EYS: variants seen among roughly 807,000 people sequenced by gnomAD.
EYS encodes protein eyes shut homolog.
In EYS, 250 loss-of-function variants were observed where a neutral mutation model predicts 282.1. That is an observed-to-expected ratio of 0.89 (90% confidence interval 0.80 to 0.98). The LOEUF is 0.98. Ranked by LOEUF, EYS falls within the 50% of genes least tolerant of loss-of-function variation. EYS has a pLI of 0.00. For synonymous variants in EYS, 1,355 were observed against 1,282.9 expected (o/e 1.06, Z -1.20); for missense variants, 4,016 against 3,709.0 (o/e 1.08, Z -2.15).
rs1768056122 is a variant in EYS at position 64,639,371 on chromosome 6, C to CTT, written c.3444-13128_3444-13127dup. Among the ~76,000 whole-genome samples the CTT allele has an allele frequency of 2.2e-5, 2 of 91,178 alleles. 1 individual carries two copies. The highest frequency in any genetic ancestry group is 4.7e-5 in the Non-Finnish European group (2 of 42,388). 59.8% of individuals were successfully genotyped at this position (91,178 alleles called of 152,430 possible). ...GAGTATTATATGTAAATATACATCT[C>CTT]TTTTTTCATCAATTTGTGGCTTTTA... is the stretch of plus-strand genomic sequence containing the variant. On this transcript the variant is annotated intron_variant, in intron 22 of 42. Coordinates refer to ENST00000503581, the MANE Select transcript of EYS (RefSeq NM_001142800.2).
chr6:65,673,101 G>A (rs540333701), intron 1 of EYS, among the ~76,000 whole-genome samples: 5 of 152,258 alleles, frequency 3.3e-5, no homozygotes, highest in East Asian at 3.9e-4. Context: ...GGATGTATAC[G>A]TGCAGGTCAC....
At position 65,490,881 on chromosome 6, in the gene EYS, T is replaced by C. The variant is rs140986041; in HGVS notation, c.749-174A>G. Among the ~76,000 whole-genome samples the C allele has an allele frequency of 7.3e-4, 111 of 152,262 alleles. 1 individual carries two copies. In the East Asian group the frequency reaches 0.018, roughly 25 times the overall value. On this transcript the variant is annotated intron_variant, in intron 4 of 42. Transcript: ENST00000503581. ...GAAATAAAAATTAATTTTGATACTT[T>C]ACATAAGTTTTTCATCTTCTGACCC...
At chr6:63,908,951 TG>T (rs1464475977) in intron 35 of EYS, among the ~76,000 whole-genome samples, 2 of 151,438 alleles carry the variant, frequency 1.3e-5, no homozygotes, top group African/African-American at 4.9e-5. Flanking sequence ...AGGGGAATGG[TG>T]GGATCATTGA....
At chr6:65,294,235 T>A (rs2150285141) in intron 12 of EYS, among the ~76,000 whole-genome samples, 1 of 150,512 alleles carries the variant, frequency 6.6e-6, no homozygotes, top group East Asian at 1.9e-4. Context: ...GGATTAACTC[T>A]GCATCCCTGG....
chr6:64,078,145 C>A (rs182284858), intron 32 of EYS, among the ~76,000 whole-genome samples: 1 of 152,074 alleles, frequency 6.6e-6, no homozygotes, highest in Non-Finnish European at 1.5e-5. Context: ...AGTTCTCTAT[C>A]CTTGTCTCTT....
chr6:65,042,433 T>G (rs1772966754), intron 13 of EYS, among the ~76,000 whole-genome samples: 1 of 151,622 alleles, frequency 6.6e-6, no homozygotes, highest in South Asian at 2.1e-4. Context: ...GTTGTAATTT[T>G]CTTGCTTTCA....
chr6:63,994,381 G>A (rs537591518), intron 34 of EYS, among the ~76,000 whole-genome samples: 2 of 151,956 alleles, frequency 1.3e-5, no homozygotes, highest in South Asian at 2.1e-4. Context: ...ATGTTCCCAA[G>A]GATTCTCATT....
intron 22 of EYS, among the ~76,000 whole-genome samples, chr6:64,686,773 A>ATATATATATATATATATGTG (rs1346103100): frequency 4.5e-4 from 4 of 8,932 alleles, no homozygotes; most frequent in South Asian, 5.7e-3. Context: ...GTGTGTATAT[A>ATATATATATATATATATGTG]TATATATATA....
intron 26 of EYS, among the ~76,000 whole-genome samples, chr6:64,582,728 T>C (rs557002320): frequency 7.9e-5 from 12 of 152,306 alleles, no homozygotes; most frequent in Admixed American, 6.5e-4. Flanking sequence ...ACAATCACTC[T>C]ACTGTATTCT....
intron 30 of EYS, among the ~76,000 whole-genome samples, chr6:64,241,263 C>T (rs1269308426): frequency 2.0e-5 from 3 of 151,966 alleles, no homozygotes; most frequent in South Asian, 2.1e-4. Context: ...GCCTCATAAA[C>T]GAGTTGGGGA....
chr6:65,196,927 T>C (rs1765781174), intron 12 of EYS, among the ~76,000 whole-genome samples: 2 of 151,844 alleles, frequency 1.3e-5, no homozygotes, highest in Admixed American at 1.3e-4. Context: ...TCAACAAGAG[T>C]GGCTGCAATG....
At chr6:64,518,591 G>A (rs1039422217) in intron 26 of EYS, among the ~76,000 whole-genome samples, 3 of 151,518 alleles carry the variant, frequency 2.0e-5, no homozygotes, top group Admixed American at 1.3e-4. Context: ...ACCTAAAGTC[G>A]CTATTGACCC....
intron 35 of EYS, among the ~76,000 whole-genome samples, chr6:63,969,008 G>A (rs1275160505): frequency 1.3e-5 from 2 of 152,128 alleles, no homozygotes; most frequent in Admixed American, 6.5e-5. Flanking sequence ...TTGAGCTTGT[G>A]GTGATGATGC....
At chr6:65,394,518 G>A (rs1015201649) in intron 7 of EYS, among the ~76,000 whole-genome samples, 1 of 152,110 alleles carries the variant, frequency 6.6e-6, no homozygotes, top group African/African-American at 2.4e-5. Flanking sequence ...ACAGAGTCCT[G>A]TAGCTGTAGC....
intron 12 of EYS, among the ~76,000 whole-genome samples, chr6:65,110,685 T>A (rs1775191006): frequency 6.6e-6 from 1 of 152,108 alleles, no homozygotes; most frequent in Admixed American, 6.6e-5. Flanking sequence ...TAAAAATGTG[T>A]ATCTTTTTTT....
intron 33 of EYS, among the ~76,000 whole-genome samples, chr6:64,001,551 T>C (rs1768094067): frequency 6.6e-6 from 1 of 152,150 alleles, no homozygotes; most frequent in South Asian, 2.1e-4. Flanking sequence ...AAAAGACAAT[T>C]TATTTGTAGA....
intron 2 of EYS, among the ~76,000 whole-genome samples, chr6:65,541,756 C>G (rs997241650): frequency 1.8e-4 from 28 of 151,834 alleles, no homozygotes; most frequent in African/African-American, 6.3e-4. Flanking sequence ...TGTATGCTGC[C>G]CAACAATACT....
At chr6:64,867,858 T>C (rs1258324097) in intron 19 of EYS, among the ~76,000 whole-genome samples, 1 of 151,620 alleles carries the variant, frequency 6.6e-6, no homozygotes, top group Non-Finnish European at 1.5e-5. Context: ...TATTTCCTGG[T>C]CTTTTATCTT....
chr6:65,524,126 C>T (rs1050477809), intron 2 of EYS, among the ~76,000 whole-genome samples: 1 of 152,180 alleles, frequency 6.6e-6, no homozygotes, highest in African/African-American at 2.4e-5. Context: ...CCCACCTTGG[C>T]CTCCCAAAGT....
Sources: gnomAD v4.1 joint callset for allele counts (sites outside exome capture counted in the v4.1 genomes callset) on GRCh38, gnomAD v4.1.1 for gene constraint, MANE v1.5 for transcripts, NCBI Gene and HGNC (gene_info 2026-07-23, HGNC 2026-07-21) for gene names.